The following MPHOSPH9 variants were observed in gnomAD, a reference collection of about 807,000 sequenced individuals.
MPHOSPH9 encodes the protein M-phase phosphoprotein 9.
In MPHOSPH9, 88 loss-of-function variants were observed where a neutral mutation model predicts 145.5. That is an observed-to-expected ratio of 0.60 (90% CI 0.51 to 0.72). The LOEUF (loss-of-function observed/expected upper bound fraction) is 0.72, where lower values mean the gene tolerates loss of function less well. MPHOSPH9 is among the 30% of genes least tolerant of loss of function. MPHOSPH9 has a pLI of 0.00. For synonymous variants in MPHOSPH9, 435 were observed against 486.2 expected (o/e 0.89, Z 1.39); for missense variants, 1,238 against 1,386.6 (o/e 0.89, Z 1.70).
chr12:123,234,597 A>G (rs964587353), upstream of MPHOSPH9, among the ~76,000 whole-genome samples: 3 of 151,862 alleles, frequency 2.0e-5, no homozygotes, highest in Non-Finnish European at 4.4e-5. Context: ...GGGTTTTGCC[A>G]TATTGGCCAG....
At chr12:123,190,762 T>C (rs1337931107) in intron 13 of MPHOSPH9, among the ~76,000 whole-genome samples, 2 of 152,152 alleles carry the variant, frequency 1.3e-5, no homozygotes, top group African/African-American at 4.8e-5. Context: ...ACAGAGCACA[T>C]TTAACAAAGT....
chr12:123,224,949 C>A (rs1188511374), intron 3 of MPHOSPH9, among the ~76,000 whole-genome samples: 1 of 152,148 alleles, frequency 6.6e-6, no homozygotes, highest in African/African-American at 2.4e-5. Flanking sequence ...ATGACTACTT[C>A]ATTATGTCTT....
intron 9 of MPHOSPH9, 26 bp from the exon 10 acceptor site, chr12:123,203,110 T>A (rs2076387118): frequency 6.2e-7 from 1 of 1,600,518 alleles, no homozygotes; most frequent in African/African-American, 1.3e-5. Flanking sequence ...CAACGAAGTC[T>A]TACCCTCAGA....
upstream of MPHOSPH9, among the ~76,000 whole-genome samples, chr12:123,237,574 C>G (rs566027593): frequency 6.6e-6 from 1 of 152,338 alleles, no homozygotes; most frequent in East Asian, 1.9e-4. Context: ...AGAGTAGTCT[C>G]TTTTTCCTCC....
chr12:123,226,111 C>G (rs532506345), intron 3 of MPHOSPH9, among the ~76,000 whole-genome samples: 1 of 152,312 alleles, frequency 6.6e-6, no homozygotes, highest in Non-Finnish European at 1.5e-5. Flanking sequence ...CTTAATAAAA[C>G]ATTCCATTTT....
intron 13 of MPHOSPH9, among the ~76,000 whole-genome samples, chr12:123,191,846 A>G (rs888218748): frequency 6.6e-6 from 1 of 152,186 alleles, no homozygotes; most frequent in Non-Finnish European, 1.5e-5. Context: ...ATGGTAAAGA[A>G]CCGCAATCCA....
upstream of MPHOSPH9, among the ~76,000 whole-genome samples, chr12:123,235,456 C>G (rs2047831355): frequency 6.6e-6 from 1 of 152,044 alleles, no homozygotes; most frequent in African/African-American, 2.4e-5. Flanking sequence ...GCTCCGCCCC[C>G]CAGGTTCACG....
chr12:123,210,607 G>A (rs12231008), intron 7 of MPHOSPH9, among the ~76,000 whole-genome samples: 1 of 151,946 alleles, frequency 6.6e-6, no homozygotes, highest in Non-Finnish European at 1.5e-5. Flanking sequence ...CATGAGAATC[G>A]CTTGAACCCA....
chr12:123,176,661 T>G, intron 16 of MPHOSPH9, 27 bp downstream of exon 16: 2 of 1,526,008 alleles, frequency 1.3e-6, no homozygotes, highest in Non-Finnish European at 1.8e-6. Flanking sequence ...ATTTCTAGCT[T>G]TATAGAGAGT....
At chr12:123,156,979 C>T in intron 23 of MPHOSPH9, 71 bp from the exon 24 acceptor site, 5 of 1,168,128 alleles carry the variant, frequency 4.3e-6, no homozygotes, top group Admixed American at 4.2e-5. Context: ...CCAAACTGAC[C>T]TTTCTTTTAG....
intron 3 of MPHOSPH9, 22 bp from the exon 4 acceptor site, chr12:123,223,149 T>C (rs2047285189): frequency 3.9e-6 from 5 of 1,286,034 alleles, no homozygotes; most frequent in Non-Finnish European, 5.0e-6. Flanking sequence ...TAAAATATTT[T>C]AGTTAAAAAT....
At chr12:123,219,240 T>C (rs1223729449) in intron 5 of MPHOSPH9, among the ~76,000 whole-genome samples, 1 of 151,936 alleles carries the variant, frequency 6.6e-6, no homozygotes, top group Non-Finnish European at 1.5e-5. Context: ...ACAATGAATT[T>C]TTATTAATTC....
chr12:123,188,724 T>C (rs1158880523), intron 13 of MPHOSPH9, among the ~76,000 whole-genome samples: 1 of 152,174 alleles, frequency 6.6e-6, no homozygotes, highest in East Asian at 1.9e-4. Context: ...GGTGCACACC[T>C]GTACTCCCAG....
At chr12:123,188,294 T>C (rs1479548899) in intron 13 of MPHOSPH9, among the ~76,000 whole-genome samples, 1 of 152,158 alleles carries the variant, frequency 6.6e-6, no homozygotes, top group African/African-American at 2.4e-5. Context: ...TATCATACAC[T>C]ACTGGCAGGA....
intron 4 of MPHOSPH9, among the ~76,000 whole-genome samples, chr12:123,222,649 A>G (rs1008901989): frequency 2.0e-5 from 3 of 151,994 alleles, no homozygotes; most frequent in Non-Finnish European, 2.9e-5. Context: ...GTGAGACTCC[A>G]TCTCAAAAAA....
Position 123,227,476 on chromosome 12 carries a change from C to A in MPHOSPH9, c.245G>T (p.Trp82Leu). 2 of 1,485,106 alleles carry A rather than the reference C, an allele frequency of 1.3e-6. No individual in the cohort carries two copies. Among genetic ancestry groups the A allele is most frequent in the South Asian group, 1.3e-5 (1 of 75,534 alleles). 92.0% of individuals were successfully genotyped at this position (1,485,106 alleles called of 1,614,324 possible). Reference protein sequence around the residue: ...QNSGKTDSELWKNCETRWLQL... With the variant: ...QNSGKTDSELLKNCETRWLQL... ...AAAATTAGATACCTCACAGTTTTTCCAAAGTTCCGAATCAGTCTTTCCACT... is the reference window on the plus strand; with the variant it reads ...AAAATTAGATACCTCACAGTTTTTCAAAAGTTCCGAATCAGTCTTTCCACT... The change falls in exon 3 of 24, where the codon TGG becomes TTG. Residue 82 changes from tryptophan (W) to leucine (L), a missense_variant. By Grantham distance (61) the Trp-to-Leu change is moderately conservative. This residue lies in a region of MPHOSPH9 where 837 missense variants were observed against 897.5 expected (regional missense o/e 0.93). Coordinates refer to ENST00000606320, the MANE Select transcript of MPHOSPH9 (RefSeq NM_022782.4).
At chr12:123,240,066 T>A (rs1257345900) in intron 1 of MPHOSPH9, among the ~76,000 whole-genome samples, 2 of 151,992 alleles carry the variant, frequency 1.3e-5, no homozygotes, top group Non-Finnish European at 2.9e-5. Context: ...GTGAGCTGGT[T>A]AGAAATGCAG....
chr12:123,227,986 G>A (rs534347487), intron 2 of MPHOSPH9, among the ~76,000 whole-genome samples: 3 of 152,160 alleles, frequency 2.0e-5, no homozygotes, highest in Non-Finnish European at 4.4e-5. Flanking sequence ...ATTGTGCAGT[G>A]GGGATTCTTT....
intron 12 of MPHOSPH9, among the ~76,000 whole-genome samples, chr12:123,198,009 G>C (rs1304288903): frequency 1.3e-5 from 2 of 151,524 alleles, no homozygotes. Flanking sequence ...GCGTGAACCC[G>C]GGAGGCGGAG....
Sources: gnomAD v4.1 joint callset for allele counts (sites outside exome capture counted in the v4.1 genomes callset) on GRCh38, gnomAD v4.1.1 for gene constraint, gnomAD v4.1.1 regional missense constraint, MANE v1.5 for transcripts, NCBI Gene and HGNC (gene_info 2026-07-23, HGNC 2026-07-21) for gene names.